Variants in MMP16 observed in about 807,000 individuals in gnomAD.
The protein encoded by MMP16 is matrix metalloproteinase-16.
A neutral mutation model predicts 67.8 loss-of-function variants in MMP16; 12 were observed. The ratio of observed to expected loss-of-function variants is 0.18; its 90% CI spans 0.11 to 0.29. The LOEUF is 0.29. Ranked by LOEUF, MMP16 falls within the 10% of genes least tolerant of loss-of-function variation. MMP16 has a pLI of 1.00. For missense variants in MMP16, 475 were observed against 765.7 expected (o/e 0.62, Z 4.48); for synonymous variants, 249 against 255.9 (o/e 0.97, Z 0.26).
intron 3 of MMP16, among the ~76,000 whole-genome samples, chr8:88,168,526 A>G (rs1363633338): frequency 6.6e-6 from 1 of 152,192 alleles, no homozygotes; most frequent in African/African-American, 2.4e-5. Flanking sequence ...TTAAAAATGT[A>G]TTGTGAGTAA....
intron 1 of MMP16, among the ~76,000 whole-genome samples, chr8:88,317,275 C>T (rs1180193803): frequency 6.6e-6 from 1 of 152,164 alleles, no homozygotes; most frequent in Admixed American, 6.6e-5. Flanking sequence ...ATGTGGCAAA[C>T]TTCACTGTTG....
intron 6 of MMP16, among the ~76,000 whole-genome samples, chr8:88,113,479 G>A (rs1453040267): frequency 3.3e-5 from 5 of 151,788 alleles, no homozygotes; most frequent in Admixed American, 2.6e-4. Flanking sequence ...ATCAAACAAT[G>A]AGCAATACTA....
intron 1 of MMP16, among the ~76,000 whole-genome samples, chr8:88,275,449 AT>A (rs1284484641): frequency 6.6e-6 from 1 of 151,724 alleles, no homozygotes; most frequent in African/African-American, 2.4e-5. Flanking sequence ...TAGCTTAGCC[AT>A]TTTTTTCAGG....
chr8:88,250,294 A>G (rs1292206175), intron 1 of MMP16, among the ~76,000 whole-genome samples: 1 of 152,086 alleles, frequency 6.6e-6, no homozygotes, highest in Non-Finnish European at 1.5e-5. Flanking sequence ...GATCTACTTA[A>G]GAACGGGTGG....
In MMP16 at chr8:88,129,024, T is replaced by C. The variant is rs141883649; in HGVS notation, c.710-10163A>G. Among the ~76,000 whole-genome samples the C allele has an allele frequency of 2.8e-3, 431 of 151,874 alleles. 3 individuals are homozygous for C. The highest frequency in any genetic ancestry group is 0.01 in the African/African-American group (419 of 41,484). ...TATCAAGGAAGTAGCAAGAGAGAAT[T>C]AACCAGAAATCAAGTGAAAAGATGT... On this transcript the variant is annotated intron_variant, in intron 4 of 9. Coordinates refer to ENST00000286614, the MANE Select transcript of MMP16 (RefSeq NM_005941.5).
At chr8:88,214,897 T>C (rs539713565) in intron 1 of MMP16, among the ~76,000 whole-genome samples, 13 of 152,300 alleles carry the variant, frequency 8.5e-5, no homozygotes, top group Admixed American at 2.0e-4. Flanking sequence ...TTCCAAACAC[T>C]TGAAGGAGAG....
intron 4 of MMP16, among the ~76,000 whole-genome samples, chr8:88,158,397 A>C (rs2129671116): frequency 6.6e-6 from 1 of 152,114 alleles, no homozygotes; most frequent in African/African-American, 2.4e-5. Flanking sequence ...CGTGGTTTTG[A>C]TTTGCATTTC....
chr8:88,069,626 C>T (rs1808518887), intron 7 of MMP16: 1 of 428,640 alleles, frequency 2.3e-6, no homozygotes, highest in Non-Finnish European at 4.5e-6. Flanking sequence ...AATTTAGGTA[C>T]TTTAATTCAT....
chr8:88,083,340 A>G (rs1808783897), intron 6 of MMP16, among the ~76,000 whole-genome samples: 1 of 152,068 alleles, frequency 6.6e-6, no homozygotes, highest in African/African-American at 2.4e-5. Flanking sequence ...AGAAGGAATC[A>G]GGGCTTCTTG....
chr8:88,264,714 T>C (rs533516640), intron 1 of MMP16, among the ~76,000 whole-genome samples: 5 of 152,302 alleles, frequency 3.3e-5, no homozygotes, highest in African/African-American at 7.2e-5. Context: ...CCCTGGGCCT[T>C]GGGCACAGCA....
chr8:88,239,231 G>A (rs1353526217), intron 1 of MMP16, among the ~76,000 whole-genome samples: 1 of 137,912 alleles, frequency 7.3e-6, no homozygotes, highest in African/African-American at 2.7e-5. Context: ...GGAAACGGAG[G>A]TTGCAGTGAA....
At chr8:88,200,291 T>C (rs148465951) in intron 1 of MMP16, among the ~76,000 whole-genome samples, 516 of 152,144 alleles carry the variant, frequency 3.4e-3, no homozygotes, top group African/African-American at 0.012. Context: ...CTTCATTTTG[T>C]GCTCACTAGA....
intron 1 of MMP16, among the ~76,000 whole-genome samples, chr8:88,290,748 A>C (rs1810914121): frequency 6.6e-6 from 1 of 152,068 alleles, no homozygotes; most frequent in Non-Finnish European, 1.5e-5. Context: ...TGGCAGAGAC[A>C]AAATCCCAAA....
intron 3 of MMP16, among the ~76,000 whole-genome samples, chr8:88,178,794 G>A (rs1808933045): frequency 6.6e-6 from 1 of 151,906 alleles, no homozygotes; most frequent in African/African-American, 2.4e-5. Context: ...ATTTTTATAT[G>A]TTGCCTTTTC....
intron 1 of MMP16, among the ~76,000 whole-genome samples, chr8:88,303,490 A>G (rs1811164028): frequency 6.6e-6 from 1 of 152,170 alleles, no homozygotes; most frequent in Non-Finnish European, 1.5e-5. Flanking sequence ...TGGGTCCCTG[A>G]TCCTGTTCCT....
chr8:88,280,765 G>A (rs143961595), intron 1 of MMP16, among the ~76,000 whole-genome samples: 3 of 152,096 alleles, frequency 2.0e-5, no homozygotes, highest in Non-Finnish European at 4.4e-5. Context: ...GGTGCCTGTC[G>A]TCCTAGCTAC....
intron 8 of MMP16, among the ~76,000 whole-genome samples, chr8:88,048,128 G>A (rs1483244690): frequency 2.0e-5 from 3 of 152,300 alleles, no homozygotes; most frequent in African/African-American, 7.2e-5. Context: ...GAGGAACCAT[G>A]ACTTTGGTGT....
chr8:88,118,226 T>G lies in MMP16; in HGVS notation c.871+474A>C, dbSNP rs553791439. Among the ~76,000 whole-genome samples, 299 of 152,180 alleles carry G rather than the reference T, an allele frequency of 2.0e-3. 2 individuals are homozygous for G. In the South Asian group the frequency reaches 0.021, roughly 11 times the overall value. ...GGGTCAATTTCTTGCATCTATCACA[T>G]AAGGGTATTTTGTGGGCCTTCAAAA... On this transcript the variant is annotated intron_variant, in intron 5 of 9. Coordinates refer to ENST00000286614, the MANE Select transcript of MMP16 (RefSeq NM_005941.5).
At chr8:88,189,708 G>A (rs930701286) in intron 2 of MMP16, among the ~76,000 whole-genome samples, 4 of 152,070 alleles carry the variant, frequency 2.6e-5, no homozygotes, top group African/African-American at 9.7e-5. Context: ...ACCTCTTCCT[G>A]CCCTTATATG....
Sources: gnomAD v4.1 joint callset for allele counts (sites outside exome capture counted in the v4.1 genomes callset) on GRCh38, gnomAD v4.1.1 for gene constraint, MANE v1.5 for transcripts, NCBI Gene and HGNC (gene_info 2026-07-23, HGNC 2026-07-21) for gene names.